MKLN1: variants seen among roughly 807,000 people sequenced by gnomAD.
The protein encoded by MKLN1 is muskelin.
MKLN1 carries 18 observed loss-of-function variants against 99.0 expected under a neutral mutation model. The observed-to-expected ratio is 0.18, with a 90% confidence interval of 0.13 to 0.27. The LOEUF is 0.27. MKLN1 is among the 10% of genes least tolerant of loss of function. The pLI, the probability that MKLN1 is intolerant of heterozygous loss-of-function variation, is 1.00. For missense variants in MKLN1, 621 were observed against 875.9 expected (o/e 0.71, Z 3.67); for synonymous variants, 288 against 293.2 (o/e 0.98, Z 0.18).
At chr7:131,124,322 G>A (rs935028959) in intron 1 of MKLN1, among the ~76,000 whole-genome samples, 6 of 152,294 alleles carry the variant, frequency 3.9e-5, no homozygotes, top group Middle Eastern at 6.8e-3. Flanking sequence ...ATAGAAACCC[G>A]CAAACCTGGG....
At chr7:131,458,232 A>G (rs1385090058) in intron 12 of MKLN1, among the ~76,000 whole-genome samples, 1 of 152,242 alleles carries the variant, frequency 6.6e-6, no homozygotes, top group Non-Finnish European at 1.5e-5. Context: ...TTGAATCAAG[A>G]AATTTAAATC....
intron 3 of MKLN1, among the ~76,000 whole-genome samples, chr7:131,212,923 C>CAAAAAA (rs36105040): frequency 1.6e-5 from 2 of 128,850 alleles, no homozygotes; most frequent in Non-Finnish European, 1.6e-5. Flanking sequence ...AACTCCGTCT[C>CAAAAAA]AAAAAAAAAA....
rs953325371 is a variant in MKLN1 at position 131,197,749 on chromosome 7, T to C, written c.-296-5108T>C. On this transcript the variant is annotated intron_variant, in intron 2 of 7. Coordinates refer to the MKLN1 transcript ENST00000416992. ...TAGAGTACTAACAGTAATAACCTAATAGTATAACTAATAGTATAACCACAA... is the reference window on the plus strand; with the variant it reads ...TAGAGTACTAACAGTAATAACCTAACAGTATAACTAATAGTATAACCACAA... Among the ~76,000 whole-genome samples, 11 of 152,036 alleles carry C rather than the reference T, an allele frequency of 7.2e-5. No homozygotes were observed. The East Asian group carries it at 1.2e-3, about 16-fold the overall frequency.
intron 1 of MKLN1, among the ~76,000 whole-genome samples, chr7:131,133,757 G>C (rs1795599415): frequency 6.9e-6 from 1 of 144,562 alleles, no homozygotes; most frequent in Non-Finnish European, 1.5e-5. Flanking sequence ...AAACTGCTGG[G>C]ATTATAGGCA....
intron 1 of MKLN1, among the ~76,000 whole-genome samples, chr7:131,120,548 CAAAAA>C (rs55945614): frequency 1.9e-4 from 19 of 98,130 alleles, no homozygotes; most frequent in African/African-American, 5.1e-4. Context: ...GACTCCCTCT[CAAAAA>C]AAAAAAAAAA....
intron 3 of MKLN1, among the ~76,000 whole-genome samples, chr7:131,237,843 T>A (rs1392287709): frequency 5.3e-5 from 8 of 152,028 alleles, no homozygotes; most frequent in Non-Finnish European, 1.5e-5. Flanking sequence ...GATGGGAGTA[T>A]CATCAAAAAT....
chr7:131,392,602 CTTTTT>C (rs772614936), intron 4 of MKLN1, among the ~76,000 whole-genome samples: 2 of 134,518 alleles, frequency 1.5e-5, no homozygotes, highest in African/African-American at 2.7e-5. Context: ...CTCAGAACCT[CTTTTT>C]TTTTTTTTTT....
intron 3 of MKLN1, among the ~76,000 whole-genome samples, chr7:131,229,297 T>C (rs1797204755): frequency 6.6e-6 from 1 of 151,756 alleles, no homozygotes; most frequent in African/African-American, 2.4e-5. Context: ...TTTCTCCTAA[T>C]GCTATTCCTC....
At chr7:131,116,183 TAATG>T (rs1795275648) in intron 1 of MKLN1, among the ~76,000 whole-genome samples, 1 of 148,858 alleles carries the variant, frequency 6.7e-6, no homozygotes, top group South Asian at 2.2e-4. Context: ...TGGGACTATA[TAATG>T]AATATATATA....
Position 131,429,158 on chromosome 7 carries a change from A to G in MKLN1, c.960+13A>G. On this transcript the variant is annotated intron_variant, in intron 9 of 17. Coordinates refer to ENST00000352689, the MANE Select transcript of MKLN1 (RefSeq NM_013255.5). ...CACTGAAAAAGAGGCAAGTTCTCAG[A>G]CTTTTCATACATCTATATTACAGAA... The G allele has an allele frequency of 6.4e-7, 1 of 1,556,452 alleles. No homozygotes were observed. Among genetic ancestry groups the G allele is most frequent in the Non-Finnish European group, 8.9e-7 (1 of 1,128,554 alleles).
intron 3 of MKLN1, among the ~76,000 whole-genome samples, chr7:131,248,662 A>G (rs1008498435): frequency 2.0e-5 from 3 of 151,900 alleles, no homozygotes; most frequent in East Asian, 3.9e-4. Flanking sequence ...AGCAAAATCC[A>G]TTTTTTTTCT....
In MKLN1 at chr7:131,375,480, A is replaced by G. The variant is rs968197517; in HGVS notation, c.155A>G (p.Asn52Ser). 12 of 1,606,918 alleles carry G rather than the reference A, an allele frequency of 7.5e-6. No individual in the cohort carries two copies. Among genetic ancestry groups the G allele is most frequent in the Non-Finnish European group, 1.0e-5 (12 of 1,173,644 alleles). The change falls in exon 2 of 18, where the codon AAC (asparagine) becomes AGC (serine). Residue 52 changes from asparagine (N) to serine (S), a missense_variant. Physicochemically the swap from Asn to Ser is conservative, Grantham distance 46. Coordinates refer to ENST00000352689, the MANE Select transcript of MKLN1 (RefSeq NM_013255.5). ...DQSSRWSSES[N>S]YPPQYLILKL... ...TCTTCAAGATGGTCTTCAGAGAGCA[A>G]CTATCCTCCCCAGGTAAGATTACAT... is the stretch of plus-strand genomic sequence containing the variant.
chr7:131,142,811 CT>C, intron 1 of MKLN1: 1 of 848,654 alleles, frequency 1.2e-6, no homozygotes, highest in Non-Finnish European at 1.7e-6. Context: ...TTGTGGGCTT[CT>C]TTTCCAGAGT....
chr7:131,470,391 T>C (rs976323939), intron 15 of MKLN1, among the ~76,000 whole-genome samples: 10 of 152,372 alleles, frequency 6.6e-5, no homozygotes, highest in African/African-American at 2.4e-4. Context: ...ACCCTGCTTA[T>C]TTCAGTTTCC....
chr7:131,156,263 C>T (rs1795962084), intron 2 of MKLN1, among the ~76,000 whole-genome samples: 1 of 151,964 alleles, frequency 6.6e-6, no homozygotes, highest in South Asian at 2.1e-4. Context: ...CGCGGTGGCT[C>T]ACTCCTGTAA....
intron 1 of MKLN1, among the ~76,000 whole-genome samples, chr7:131,126,298 A>G (rs540924141): frequency 3.0e-4 from 46 of 152,256 alleles, no homozygotes; most frequent in African/African-American, 1.1e-3. Flanking sequence ...TGAATTATGA[A>G]CTTTTATTTT....
At chr7:131,280,373 A>T (rs1798033552) in intron 3 of MKLN1, among the ~76,000 whole-genome samples, 1 of 152,182 alleles carries the variant, frequency 6.6e-6, no homozygotes, top group Admixed American at 6.5e-5. Context: ...CAGCATTTTG[A>T]GGAACTGCCA....
At chr7:131,219,451 G>A (rs373072651) in intron 3 of MKLN1, among the ~76,000 whole-genome samples, 4 of 152,144 alleles carry the variant, frequency 2.6e-5, no homozygotes, top group South Asian at 2.1e-4. Context: ...GAAGAATTTC[G>A]AATATTTGTG....
chr7:131,275,092 G>C (rs961164537), intron 3 of MKLN1, among the ~76,000 whole-genome samples: 27 of 152,112 alleles, frequency 1.8e-4, no homozygotes, highest in African/African-American at 6.3e-4. Context: ...CCATTGGCTG[G>C]TTGGCTTATA....
Sources: gnomAD v4.1 joint callset for allele counts (sites outside exome capture counted in the v4.1 genomes callset) on GRCh38, gnomAD v4.1.1 for gene constraint, MANE v1.5 for transcripts, NCBI Gene and HGNC (gene_info 2026-07-23, HGNC 2026-07-21) for gene names.